Variants in WDPCP observed in about 807,000 individuals in gnomAD.
WDPCP encodes the protein WD repeat-containing and planar cell polarity effector protein fritz homolog.
In WDPCP, 71 loss-of-function variants were observed where a neutral mutation model predicts 93.1. That is an observed-to-expected ratio of 0.76 (90% CI 0.63 to 0.93). WDPCP has a LOEUF of 0.93. Ranked by LOEUF, WDPCP falls within the 40% of genes least tolerant of loss-of-function variation. The pLI, the probability that WDPCP is intolerant of heterozygous loss-of-function variation, is 0.00. For missense variants in WDPCP, 844 were observed against 887.4 expected, an observed-to-expected ratio of 0.95 and a Z score of 0.62; for synonymous variants, 315 against 315.0, an observed-to-expected ratio of 1.00 and a Z score of 0.00.
intron 3 of WDPCP, among the ~76,000 whole-genome samples, chr2:63,645,887 T>C (rs1278888254): frequency 6.6e-6 from 1 of 152,224 alleles, no homozygotes; most frequent in Non-Finnish European, 1.5e-5. Flanking sequence ...TCAGTCTATG[T>C]GTGTCTTTAT....
chr2:63,568,029 T>C (rs759131392), intron 1 of WDPCP, among the ~76,000 whole-genome samples: 1 of 152,174 alleles, frequency 6.6e-6, no homozygotes, highest in African/African-American at 2.4e-5. Flanking sequence ...CCACTTCCAT[T>C]ATGGGTAGAT....
intron 15 of WDPCP, among the ~76,000 whole-genome samples, chr2:63,168,422 A>C (rs148011712): frequency 1.6e-4 from 25 of 152,194 alleles, no homozygotes; most frequent in Middle Eastern, 3.4e-3. Context: ...ATTTAGATGT[A>C]TGTCTTTCTT....
chr2:63,589,391 G>A (rs1369666920), upstream of WDPCP: 2 of 1,550,362 alleles, frequency 1.3e-6, no homozygotes, highest in Admixed American at 3.9e-5. Flanking sequence ...TAAGGTTTGC[G>A]ATGGGAGGGA....
At chr2:63,228,985 C>T (rs1305513115) in intron 14 of WDPCP, 1 of 152,078 alleles carries the variant, frequency 6.6e-6, no homozygotes, top group East Asian at 1.9e-4. Context: ...ATTTCTAGTT[C>T]CAGATCCCTG....
intron 2 of WDPCP, among the ~76,000 whole-genome samples, chr2:63,795,119 G>C (rs1670594590): frequency 6.6e-6 from 1 of 152,164 alleles, no homozygotes; most frequent in South Asian, 2.1e-4. Context: ...AATACAATTT[G>C]AGTTAGGGCA....
At chr2:63,628,264 A>G (rs973396571) in intron 3 of WDPCP, among the ~76,000 whole-genome samples, 3 of 152,208 alleles carry the variant, frequency 2.0e-5, no homozygotes, top group African/African-American at 7.2e-5. Context: ...TTATAGCGAT[A>G]AAAAATTTTT....
intron 1 of WDPCP, among the ~76,000 whole-genome samples, chr2:63,550,074 TTG>T: frequency 1.3e-4 from 1 of 7,956 alleles, no homozygotes; most frequent in African/African-American, 1.1e-3. Context: ...CTCTCTCTCC[TTG>T]TCTTCTATAA....
chr2:63,453,824 C>T (rs1234836274), intron 6 of WDPCP, among the ~76,000 whole-genome samples: 1 of 151,552 alleles, frequency 6.6e-6, no homozygotes, highest in Non-Finnish European at 1.5e-5. Context: ...AACCATCATT[C>T]TCAGCAAACT....
At chr2:63,738,465 A>G (rs754678005) in intron 2 of WDPCP, among the ~76,000 whole-genome samples, 2 of 151,460 alleles carry the variant, frequency 1.3e-5, no homozygotes, top group African/African-American at 2.4e-5. Context: ...TATCAGCCCA[A>G]TCCAGAAGTG....
intron 3 of WDPCP, chr2:63,606,751 T>C: frequency 1.6e-6 from 1 of 639,904 alleles, no homozygotes; most frequent in South Asian, 4.4e-5. Flanking sequence ...TTATTTACTT[T>C]AGAATCAGAC....
chr2:63,378,387 T>C lies in WDPCP; in HGVS notation c.1747A>G (p.Arg583Gly). 6.2e-7 allele frequency: 1 copy of C among 1,612,990 alleles called. No individual in the cohort carries two copies. Among genetic ancestry groups the C allele is most frequent in the Non-Finnish European group, 8.5e-7 (1 of 1,179,296 alleles). The change falls in exon 12 of 18, where the codon AGG (arginine) becomes GGG (glycine). Residue 583 changes from arginine (R) to glycine (G), a missense_variant and splice_region_variant. Arg to Gly is a moderately radical substitution (Grantham distance 125, BLOSUM62 -2). Transcript: ENST00000272321. Reference sequence around the variant, plus strand: ...AATCAATCCAAACATATCATTCACCTGAGCAAGTGATGGAAGAATCTCCTT... The same window carrying C: ...AATCAATCCAAACATATCATTCACCCGAGCAAGTGATGGAAGAATCTCCTT... Reference protein sequence around the residue: ...YARRFFHHLLRYQRFEKAFLL... With the variant: ...YARRFFHHLLGYQRFEKAFLL...
upstream of WDPCP, among the ~76,000 whole-genome samples, chr2:63,592,375 G>T (rs1709216909): frequency 6.6e-6 from 1 of 152,180 alleles, no homozygotes; most frequent in Non-Finnish European, 1.5e-5. Context: ...GTTTGAGACA[G>T]GATCTCACTC....
intron 14 of WDPCP, among the ~76,000 whole-genome samples, chr2:63,251,807 T>C (rs1680750791): frequency 6.6e-6 from 1 of 151,530 alleles, no homozygotes; most frequent in Admixed American, 6.6e-5. Flanking sequence ...CCTACCAATT[T>C]TTAAAAAGCC....
At chr2:63,596,120 G>A (rs986854582) in intron 3 of WDPCP, among the ~76,000 whole-genome samples, 9 of 152,026 alleles carry the variant, frequency 5.9e-5, no homozygotes, top group African/African-American at 2.2e-4. Context: ...GATATAATAA[G>A]GAAGCCTTAA....
chr2:63,696,473 A>G (rs1307270613), intron 2 of WDPCP, among the ~76,000 whole-genome samples: 4 of 152,220 alleles, frequency 2.6e-5, no homozygotes, highest in African/African-American at 9.6e-5. Flanking sequence ...AAGGACAGAA[A>G]CCAGAAGGGG....
chr2:63,608,889 C>T (rs1030569381), intron 3 of WDPCP, among the ~76,000 whole-genome samples: 1 of 152,104 alleles, frequency 6.6e-6, no homozygotes, highest in Non-Finnish European at 1.5e-5. Flanking sequence ...ACCTTTAGGA[C>T]TACTATTAAT....
chr2:63,461,173 T>C (rs1385711368), intron 6 of WDPCP, among the ~76,000 whole-genome samples: 3 of 151,426 alleles, frequency 2.0e-5, no homozygotes, highest in African/African-American at 4.8e-5. Context: ...GACAGAAGCC[T>C]GGTGATATAG....
intron 1 of WDPCP, among the ~76,000 whole-genome samples, chr2:63,563,063 A>C (rs1189977221): frequency 6.6e-6 from 1 of 152,122 alleles, no homozygotes; most frequent in Non-Finnish European, 1.5e-5. Context: ...ACACACACAT[A>C]CATACATACA....
chr2:63,437,484 G>C lies in WDPCP; in HGVS notation c.570C>G (p.Thr190=). 6.2e-7 allele frequency: 1 copy of C among 1,601,268 alleles called. No homozygotes were observed. The highest frequency in any genetic ancestry group is 8.5e-7 in the Non-Finnish European group (1 of 1,174,150). The change falls in exon 8 of 18, where the codon ACC becomes ACG. Residue 190 remains threonine, a synonymous_variant. Transcript: ENST00000272321. ...AQNKLCFIQF[T]KKMESSDVNK... is the part of the protein sequence containing the mutation. ...TTACATCAGAAGACTCCATCTTCTT[G>C]GTAAACTGAATAAAACATAGTTTGT...
Sources: gnomAD v4.1 joint callset for allele counts (sites outside exome capture counted in the v4.1 genomes callset) on GRCh38, gnomAD v4.1.1 for gene constraint, MANE v1.5 for transcripts, NCBI Gene and HGNC (gene_info 2026-07-23, HGNC 2026-07-21) for gene names.